Variants in OR2T2 observed in about 807,000 individuals in gnomAD.
OR2T2 encodes olfactory receptor 2T2.
For missense variants in OR2T2, 138 were observed against 409.1 expected, an observed-to-expected ratio of 0.34 and a Z score of 5.72; for synonymous variants, 50 against 162.7, an observed-to-expected ratio of 0.31 and a Z score of 5.27.
At chr1:248,447,170 A>G (rs1662682706) in intron 2 of OR2T2, among the ~76,000 whole-genome samples, 1 of 150,898 alleles carries the variant, frequency 6.6e-6, no homozygotes, top group Non-Finnish European at 1.5e-5. Context: ...AGAGAAGGGG[A>G]TAAAATCTGA....
At chr1:248,446,164 ATTTT>A (rs200594110) in intron 1 of OR2T2, among the ~76,000 whole-genome samples, 4 of 139,150 alleles carry the variant, frequency 2.9e-5, no homozygotes, top group East Asian at 2.0e-4. Flanking sequence ...GGAAATCATG[ATTTT>A]TTTTTTTCAT....
chr1:248,454,984 A>G (rs945862308), exon 3 of OR2T2: 1 of 149,614 alleles, frequency 6.7e-6, no homozygotes, highest in African/African-American at 2.5e-5. Context: ...TATTCTCAAC[A>G]TCTTCATTGA....
At chr1:248,446,086 T>G (rs1426283069) in intron 1 of OR2T2, among the ~76,000 whole-genome samples, 1 of 145,608 alleles carries the variant, frequency 6.9e-6, no homozygotes, top group Non-Finnish European at 1.5e-5. Flanking sequence ...TAATTTACAT[T>G]TTAAGTTAAA....
exon 3 of OR2T2, chr1:248,454,926 A>G (rs1415590512): frequency 1.2e-4 from 13 of 109,204 alleles, no homozygotes; most frequent in African/African-American, 4.0e-4. Context: ...AAACCAAGAC[A>G]TTTTATTAGC....
At chr1:248,447,525 A>C (rs1254340407) in intron 2 of OR2T2, among the ~76,000 whole-genome samples, 2 of 143,950 alleles carry the variant, frequency 1.4e-5, no homozygotes, top group African/African-American at 5.4e-5. Context: ...GTTAGACTGG[A>C]CTCTCCCCTC....
chr1:248,448,039 A>G (rs1185532570), intron 2 of OR2T2, among the ~76,000 whole-genome samples: 2 of 152,290 alleles, frequency 1.3e-5, no homozygotes, highest in Non-Finnish European at 2.9e-5. Flanking sequence ...TGTCTAGGTT[A>G]TCAAATCGAC....
At chr1:248,450,196 C>G (rs1356262914) in intron 2 of OR2T2, among the ~76,000 whole-genome samples, 1 of 124,020 alleles carries the variant, frequency 8.1e-6, no homozygotes, top group Non-Finnish European at 1.7e-5. Context: ...TTGTGCCAAG[C>G]AGTGTAGTTC....
exon 3 of OR2T2, chr1:248,455,180 T>A (rs1160342892): frequency 6.9e-6 from 1 of 145,740 alleles, no homozygotes; most frequent in Non-Finnish European, 1.5e-5. Context: ...GACCTGGTGT[T>A]TATTTTCTTT....
chr1:248,448,082 TCA>T (rs1491517535), intron 2 of OR2T2, among the ~76,000 whole-genome samples: 12 of 152,220 alleles, frequency 7.9e-5, no homozygotes, highest in Admixed American at 3.3e-4. Context: ...TTCAAGTAAC[TCA>T]GTTTTTCTTA....
In OR2T2 at chr1:248,446,085, T is replaced by C. The variant is rs1471347260; in HGVS notation, c.-246+416T>C. On this transcript the variant is annotated intron_variant, in intron 1 of 2. Transcript: ENST00000642130. ...TATTTTGTTAAAATTTTAATTTACA[T>C]TTTAAGTTAAATGATTAATTGCTCC... is the stretch of plus-strand genomic sequence containing the variant. 3.4e-5 allele frequency among the ~76,000 whole-genome samples: 5 copies of C among 145,662 alleles called. 1 individual carries two copies. Among genetic ancestry groups the C allele is most frequent in the Non-Finnish European group, 7.4e-5 (5 of 67,520 alleles).
exon 3 of OR2T2, chr1:248,453,183 A>G (rs771804419): frequency 5.7e-5 from 91 of 1,610,432 alleles, no homozygotes; most frequent in Non-Finnish European, 7.6e-5. Context: ...GCTGTGTGCA[A>G]CCCTCTACGG....
intron 2 of OR2T2, among the ~76,000 whole-genome samples, chr1:248,448,075 A>C (rs964603400): frequency 6.6e-6 from 1 of 152,238 alleles, no homozygotes; most frequent in Admixed American, 6.5e-5. Context: ...GCTTGTGTTC[A>C]AGTAACTCAG....
At chr1:248,454,057 T>G in exon 3 of OR2T2, 1 of 347,792 alleles carries the variant, frequency 2.9e-6, no homozygotes, top group Non-Finnish European at 5.0e-6. Context: ...ATTAGTCAAC[T>G]TTGTTCAACT....
intron 2 of OR2T2, among the ~76,000 whole-genome samples, chr1:248,452,511 A>G (rs1433475386): frequency 1.0e-4 from 12 of 119,556 alleles, no homozygotes. Flanking sequence ...ATTCTAAACC[A>G]GGTACTGTAT....
chr1:248,450,825 GC>G (rs1365315931), intron 2 of OR2T2, among the ~76,000 whole-genome samples: 36 of 144,810 alleles, frequency 2.5e-4, no homozygotes, highest in African/African-American at 8.6e-4. Context: ...AAAAGCCACT[GC>G]AAATGGAATT....
intron 1 of OR2T2, 77 bp from the exon 2 acceptor site, chr1:248,446,512 G>GCTCGC (rs1236205606): frequency 3.7e-5 from 5 of 136,052 alleles, no homozygotes; most frequent in Non-Finnish European, 6.3e-5. Context: ...GACTAGATGG[G>GCTCGC]CTCGCCTCGC....
At chr1:248,453,729 C>A in exon 3 of OR2T2, 1 of 1,601,106 alleles carries the variant, frequency 6.2e-7, no homozygotes, top group South Asian at 1.1e-5. Flanking sequence ...AGATGTGGTT[C>A]CTCCCAGAGC....
intron 2 of OR2T2, among the ~76,000 whole-genome samples, chr1:248,447,906 AAATATT>A (rs1349839680): frequency 9.0e-5 from 13 of 143,794 alleles, no homozygotes; most frequent in African/African-American, 3.5e-4. Context: ...CATGTGTAGA[AAATATT>A]AAATGAAAAA....
exon 3 of OR2T2, chr1:248,454,110 C>A (rs1162262913): frequency 3.9e-6 from 1 of 257,348 alleles, no homozygotes; most frequent in Non-Finnish European, 6.6e-6. Context: ...GTCAAGTAGC[C>A]CTACAAACCA....
Sources: gnomAD v4.1 joint callset for allele counts (sites outside exome capture counted in the v4.1 genomes callset) on GRCh38, gnomAD v4.1.1 for gene constraint, MANE v1.5 for transcripts, NCBI Gene and HGNC (gene_info 2026-07-23, HGNC 2026-07-21) for gene names.